The following SYNE2 variants were observed in gnomAD, a reference collection of about 807,000 sequenced individuals.
SYNE2 encodes spectrin repeat containing nuclear envelope protein 2.
A neutral mutation model predicts 856.3 loss-of-function variants in SYNE2; 431 were observed. The ratio of observed to expected loss-of-function variants is 0.50; its 90% CI spans 0.47 to 0.55. SYNE2 has a LOEUF of 0.55. Among genes scored for constraint, SYNE2 ranks in the 20% least tolerant of loss-of-function variants. SYNE2 has a pLI of 0.00. For synonymous variants in SYNE2, 2,923 were observed against 2,872.3 expected (o/e 1.02, Z -0.56); for missense variants, 8,129 against 8,023.2 (o/e 1.01, Z -0.50).
Position 63,948,782 on chromosome 14 carries a change from GTATATATATATATATATATATATATA to G in SYNE2, c.409-1027_409-1002del, listed in dbSNP as rs3062027. Among the ~76,000 whole-genome samples the G allele has an allele frequency of 3.5e-3, 155 of 43,902 alleles. 9 individuals are homozygous for G. The South Asian group carries it at 0.062, about 18-fold the overall frequency. 28.8% of individuals were successfully genotyped at this position (43,902 alleles called of 152,430 possible). ...TATGTATATATATGTATGTGTGTGT[GTATATATATATATATATATATATATA>G]TATATATATATATATGTAGCTTAAT... On this transcript the variant is annotated intron_variant, in intron 6 of 115. Transcript: ENST00000555002.
At chr14:63,937,483 A>G (rs907460283) in intron 2 of SYNE2, among the ~76,000 whole-genome samples, 1 of 152,184 alleles carries the variant, frequency 6.6e-6, no homozygotes, top group African/African-American at 2.4e-5. Context: ...GAGCAAGGCT[A>G]GTTCATCTGT....
At chr14:64,061,734 A>G (rs868125572) in intron 49 of SYNE2, among the ~76,000 whole-genome samples, 19 of 152,292 alleles carry the variant, frequency 1.2e-4, no homozygotes, top group Non-Finnish European at 1.3e-4. Flanking sequence ...TAGGAATTCT[A>G]TATTTTAGAG....
intron 66 of SYNE2, among the ~76,000 whole-genome samples, chr14:64,116,239 T>G (rs1191097555): frequency 6.6e-6 from 1 of 151,942 alleles, no homozygotes; most frequent in African/African-American, 2.4e-5. Flanking sequence ...AATGTAATAT[T>G]TGAGAATTGT....
At chr14:64,167,773 G>A in intron 92 of SYNE2, 134 bp downstream of exon 92, 2 of 1,178,020 alleles carry the variant, frequency 1.7e-6, no homozygotes, top group Non-Finnish European at 2.4e-6. Flanking sequence ...AGCAAATTCA[G>A]TTGTCAATTG....
At chr14:64,210,578 G>T (rs2098635385) in intron 103 of SYNE2, among the ~76,000 whole-genome samples, 2 of 152,222 alleles carry the variant, frequency 1.3e-5, no homozygotes, top group African/African-American at 4.8e-5. Flanking sequence ...TGCACTGGGG[G>T]GTTGGGGACT....
intron 71 of SYNE2, 25 bp from the exon 72 acceptor site, chr14:64,126,296 ATTTTCT>A (rs769591820): frequency 4.2e-5 from 68 of 1,600,182 alleles, no homozygotes; most frequent in Non-Finnish European, 5.7e-5. Context: ...AGGTATCTTA[ATTTTCT>A]TTTTCTTTTT....
At chr14:63,915,814 C>A (rs1471237227) in intron 2 of SYNE2, among the ~76,000 whole-genome samples, 1 of 152,060 alleles carries the variant, frequency 6.6e-6, no homozygotes, top group Non-Finnish European at 1.5e-5. Context: ...GTTATTACTC[C>A]ATTTAAATTT....
rs555941923 is a variant in SYNE2, at chr14:63,797,259, C to T, written c.-305+35273C>T. 2.3e-3 allele frequency among the ~76,000 whole-genome samples: 342 copies of T among 151,130 alleles called. 3 individuals are homozygous for T. The South Asian group carries it at 0.024, about 11-fold the overall frequency. On this transcript the variant is annotated intron_variant, in intron 1 of 23. Coordinates refer to the SYNE2 transcript ENST00000674003. ...ACAAAAAATTAGCTGGGCATGGTGG[C>T]GTGTGCCCGTAAAGCCAGCTACTAG... is the stretch of plus-strand genomic sequence containing the variant.
At chr14:64,108,503 C>A (rs958172975) in intron 65 of SYNE2, among the ~76,000 whole-genome samples, 3 of 152,056 alleles carry the variant, frequency 2.0e-5, no homozygotes, top group African/African-American at 7.2e-5. Flanking sequence ...GGGATGGGTA[C>A]TATTTCCCAA....
intron 43 of SYNE2, among the ~76,000 whole-genome samples, chr14:64,028,896 G>A (rs532225367): frequency 5.3e-4 from 80 of 152,260 alleles, no homozygotes; most frequent in African/African-American, 1.8e-3. Flanking sequence ...CCAGCACGTT[G>A]GGAGGCTGAG....
At chr14:63,864,110 G>A (rs1322333938) in intron 1 of SYNE2, among the ~76,000 whole-genome samples, 1 of 152,212 alleles carries the variant, frequency 6.6e-6, no homozygotes, top group African/African-American at 2.4e-5. Context: ...ACGGCGCCTG[G>A]CCAAGATGTG....
At position 63,825,320 on chromosome 14, in the gene SYNE2, T is replaced by A. The variant is rs368144676; in HGVS notation, c.-304-27181T>A. ...AGGAAAGAAGTTAAATTGTCTTTAA[T>A]GGCAATAACATAAACTTTTATGTAA... On this transcript the variant is annotated intron_variant, in intron 1 of 23. Coordinates refer to the SYNE2 transcript ENST00000674003. Among the ~76,000 whole-genome samples, 124 of 152,148 alleles carry A rather than the reference T, an allele frequency of 8.1e-4. 3 individuals are homozygous for A. The East Asian group carries it at 0.017, about 21-fold the overall frequency.
chr14:64,101,813 G>T, intron 63 of SYNE2, 119 bp from the exon 64 acceptor site: 1 of 736,758 alleles, frequency 1.4e-6, no homozygotes. Flanking sequence ...TGCAATAAAG[G>T]GCTGTGGTTA....
At chr14:63,866,156 G>A (rs78435640) in intron 1 of SYNE2, among the ~76,000 whole-genome samples, 9 of 151,920 alleles carry the variant, frequency 5.9e-5, no homozygotes, top group African/African-American at 1.2e-4. Flanking sequence ...TTTCCTCTCC[G>A]CTGGTGAACA....
intron 1 of SYNE2, among the ~76,000 whole-genome samples, chr14:63,812,243 C>A (rs949971554): frequency 3.3e-5 from 5 of 152,100 alleles, no homozygotes; most frequent in African/African-American, 1.2e-4. Flanking sequence ...ATATTCCTTG[C>A]TAGGAAAAGA....
chr14:63,887,023 C>G (rs1010958277), intron 1 of SYNE2, among the ~76,000 whole-genome samples: 2 of 152,128 alleles, frequency 1.3e-5, no homozygotes, highest in African/African-American at 4.8e-5. Context: ...TGGCTCATGC[C>G]TGTAATCCCA....
At chr14:64,167,191 T>A (rs781131747) in intron 90 of SYNE2, 42 bp from the exon 91 acceptor site, 1 of 1,613,234 alleles carries the variant, frequency 6.2e-7, no homozygotes, top group East Asian at 2.2e-5. Context: ...CTAGATATCT[T>A]ATTGGCATCC....
intron 1 of SYNE2, among the ~76,000 whole-genome samples, chr14:63,810,120 A>G (rs1385647538): frequency 6.6e-6 from 1 of 152,048 alleles, no homozygotes; most frequent in African/African-American, 2.4e-5. Context: ...AGCTACTAGG[A>G]GGCTGAAGCA....
At chr14:64,182,695 T>G (rs1051591746) in intron 96 of SYNE2, among the ~76,000 whole-genome samples, 3 of 152,120 alleles carry the variant, frequency 2.0e-5, no homozygotes, top group African/African-American at 7.2e-5. Flanking sequence ...TCAGAGAGCA[T>G]GGGGTTGGGG....
Sources: allele counts gnomAD v4.1 joint callset (sites outside exome capture counted in the v4.1 genomes callset), GRCh38; gene constraint gnomAD v4.1.1; transcripts MANE v1.5; gene names NCBI Gene and HGNC (gene_info 2026-07-23, HGNC 2026-07-21).